DENND2A: variants seen among roughly 807,000 people sequenced by gnomAD.
DENND2A encodes the protein DENN domain containing 2A, also known as DENN domain-containing protein 2A.
In DENND2A, 53 loss-of-function variants were observed where a neutral mutation model predicts 105.3. The observed-to-expected ratio is 0.50, with a 90% confidence interval of 0.40 to 0.63. DENND2A has a LOEUF of 0.63. Among genes scored for constraint, DENND2A ranks in the 30% least tolerant of loss-of-function variants. The pLI is 0.00. For synonymous variants in DENND2A, 522 were observed against 508.4 expected (o/e 1.03, Z -0.36); for missense variants, 1,138 against 1,279.6 (o/e 0.89, Z 1.69).
In DENND2A at chr7:140,580,386, A is replaced by T. The variant is rs374430866; in HGVS notation, c.1245+5203T>A. Among the ~76,000 whole-genome samples the T allele has an allele frequency of 3.3e-5, 5 of 152,262 alleles. No homozygotes were observed. The East Asian group carries it at 9.6e-4, about 29-fold the overall frequency. ...TCACTCTGGAGAGCTGTGGCACAAA[A>T]ATAGCTCACTGCAGCCTTGGACTCC... On this transcript the variant is annotated intron_variant, in intron 5 of 19. Coordinates refer to ENST00000496613, the MANE Select transcript of DENND2A (RefSeq NM_015689.5).
chr7:140,619,628 T>G (rs527707599), intron 1 of DENND2A, among the ~76,000 whole-genome samples: 2 of 152,084 alleles, frequency 1.3e-5, no homozygotes, highest in Admixed American at 6.5e-5. Context: ...GCCTCCCAAC[T>G]AGCTGGGATT....
intron 11 of DENND2A, among the ~76,000 whole-genome samples, chr7:140,557,089 A>C (rs185971417): frequency 6.6e-6 from 1 of 152,134 alleles, no homozygotes; most frequent in East Asian, 1.9e-4. Flanking sequence ...AAGGTCTTTT[A>C]TTTGGCAGGA....
rs117680338 is a variant in DENND2A, at chr7:140,518,831, G to A, written c.2999-93C>T. Reference sequence around the variant, plus strand: ...TCCACCCAGAAGTGGTGCGGGTAACGGGGCCCCCACGCCACCCCAGGGAGC... The same window carrying A: ...TCCACCCAGAAGTGGTGCGGGTAACAGGGCCCCCACGCCACCCCAGGGAGC... On this transcript the variant is annotated intron_variant, in intron 19 of 19. Transcript: ENST00000496613. 6.7e-4 allele frequency: 890 copies of A among 1,322,730 alleles called. 5 individuals carry two copies. In the East Asian group the frequency reaches 0.018, roughly 26 times the overall value. 81.9% of individuals were successfully genotyped at this position (1,322,730 alleles called of 1,614,324 possible).
intron 1 of DENND2A, among the ~76,000 whole-genome samples, chr7:140,621,827 G>A (rs1328601004): frequency 1.3e-5 from 2 of 152,224 alleles, no homozygotes; most frequent in Non-Finnish European, 2.9e-5. Flanking sequence ...GCAGCCCTGA[G>A]TTGGGCTTGA....
At chr7:140,627,855 A>G (rs2130732597) in intron 1 of DENND2A, among the ~76,000 whole-genome samples, 1 of 151,636 alleles carries the variant, frequency 6.6e-6, no homozygotes, top group East Asian at 1.9e-4. Flanking sequence ...TTTTTAAGAC[A>G]GAGTTTCACT....
At chr7:140,567,036 G>C (rs1439080215) in intron 9 of DENND2A, 50 bp downstream of exon 9, 10 of 1,491,478 alleles carry the variant, frequency 6.7e-6, no homozygotes, top group African/African-American at 2.8e-5. Context: ...GTCCCAACAA[G>C]GTGATGGTTA....
chr7:140,571,350 G>A (rs59489402), intron 6 of DENND2A, among the ~76,000 whole-genome samples: 4,069 of 152,010 alleles, frequency 0.027, 183 homozygotes, highest in African/African-American at 0.093. Flanking sequence ...TAGTAGAGAC[G>A]GGGGTTTCAA....
At chr7:140,522,774 A>AT (rs1795909753) in intron 17 of DENND2A, among the ~76,000 whole-genome samples, 1 of 151,052 alleles carries the variant, frequency 6.6e-6, no homozygotes, top group South Asian at 2.1e-4. Flanking sequence ...TGGCCAGCTA[A>AT]TTTTTGTATT....
intron 14 of DENND2A, among the ~76,000 whole-genome samples, chr7:140,538,963 A>G (rs1270820741): frequency 6.6e-6 from 1 of 151,708 alleles, no homozygotes; most frequent in African/African-American, 2.4e-5. Flanking sequence ...AGCTGGGATT[A>G]TAGGCGTGTG....
intron 5 of DENND2A, among the ~76,000 whole-genome samples, chr7:140,583,430 G>GA (rs1164388608): frequency 6.7e-6 from 1 of 150,162 alleles, no homozygotes; most frequent in African/African-American, 2.5e-5. Context: ...CTTCTTAAAG[G>GA]ACGCATGATT....
At chr7:140,519,285 T>A (rs537071777) in intron 19 of DENND2A, among the ~76,000 whole-genome samples, 8 of 152,306 alleles carry the variant, frequency 5.3e-5, no homozygotes, top group African/African-American at 1.9e-4. Flanking sequence ...CCAGAGGAAT[T>A]TGGACACCAG....
At position 140,597,179 on chromosome 7, in the gene DENND2A, C is replaced by T. The variant is rs10261630; in HGVS notation, c.995+4224G>A. 6.8e-3 allele frequency among the ~76,000 whole-genome samples: 1,042 copies of T among 152,178 alleles called. 10 individuals are homozygous for T. Among genetic ancestry groups the T allele is most frequent in the African/African-American group, 0.023 (971 of 41,542 alleles). ...AAAAGAAAAATACGCTTTCTTAAAC[C>T]GAGGATCTGAATCCGCTGGTTTTGC... On this transcript the variant is annotated intron_variant, in intron 3 of 19. Coordinates refer to ENST00000496613, the MANE Select transcript of DENND2A (RefSeq NM_015689.5).
At chr7:140,552,552 T>G (rs1797181436) in intron 12 of DENND2A, among the ~76,000 whole-genome samples, 1 of 151,876 alleles carries the variant, frequency 6.6e-6, no homozygotes, top group South Asian at 2.1e-4. Context: ...CACACTACCA[T>G]GCCTGGCTAA....
chr7:140,579,474 C>A (rs1046111139), intron 5 of DENND2A, among the ~76,000 whole-genome samples: 1 of 151,204 alleles, frequency 6.6e-6, no homozygotes, highest in Non-Finnish European at 1.5e-5. Flanking sequence ...CTCACTGCAA[C>A]CTCCGCCTCC....
intron 12 of DENND2A, among the ~76,000 whole-genome samples, chr7:140,547,813 C>T (rs1171444720): frequency 1.3e-5 from 2 of 152,148 alleles, no homozygotes; most frequent in East Asian, 3.8e-4. Context: ...CATCAAAGTG[C>T]TGATACATGC....
rs560959253 is a variant in DENND2A at position 140,568,635 on chromosome 7, C to T, written c.1591+128G>A. On this transcript the variant is annotated intron_variant, in intron 8 of 19. Transcript: ENST00000496613. ...AGCACCCTGTGGCCCCACTGTCTCC[C>T]GAGATGTCCACGCCTTGCCAAGCAA... 1.3e-3 allele frequency: 1,216 copies of T among 915,948 alleles called. 3 individuals are homozygous for T. The highest frequency in any genetic ancestry group is 1.7e-3 in the Non-Finnish European group (971 of 570,086). 56.7% of individuals were successfully genotyped at this position (915,948 alleles called of 1,614,324 possible).
chr7:140,625,907 T>C (rs1297929205), intron 1 of DENND2A, among the ~76,000 whole-genome samples: 1 of 152,238 alleles, frequency 6.6e-6, no homozygotes, highest in East Asian at 1.9e-4. Flanking sequence ...CACCTCAAAT[T>C]AAGCTGCAAT....
rs368995985 is a variant in DENND2A, at chr7:140,567,193, C to T, written c.1672G>A (p.Glu558Lys). Reference sequence around the variant, plus strand: ...TCGAAGAGCTGCCTCTCCTGGTACTCGATGAGTTCCCGGGCAAGTGATGGG... The same window carrying T: ...TCGAAGAGCTGCCTCTCCTGGTACTTGATGAGTTCCCGGGCAAGTGATGGG... The part of the protein sequence containing the change: ...RYPSLARELI[E>K]YQERQLFEYF... The change falls in exon 9 of 20, where the codon GAG (glutamate) becomes AAG (lysine). Residue 558 changes from glutamate (E) to lysine (K), a missense_variant. Physicochemically the swap from Glu to Lys is moderately conservative, Grantham distance 56. Coordinates refer to ENST00000496613, the MANE Select transcript of DENND2A (RefSeq NM_015689.5). 54 of 1,613,712 alleles carry T rather than the reference C, an allele frequency of 3.3e-5. No homozygotes were observed. The highest frequency in any genetic ancestry group is 4.3e-5 in the Non-Finnish European group (51 of 1,179,962).
intron 14 of DENND2A, among the ~76,000 whole-genome samples, chr7:140,529,196 C>T (rs973558486): frequency 2.0e-5 from 3 of 151,948 alleles, no homozygotes; most frequent in Admixed American, 6.6e-5. Flanking sequence ...CGGTGGCTGA[C>T]GCCTATAATC....
Sources: allele counts gnomAD v4.1 joint callset (sites outside exome capture counted in the v4.1 genomes callset), GRCh38; gene constraint gnomAD v4.1.1; transcripts MANE v1.5; gene names NCBI Gene and HGNC (gene_info 2026-07-23, HGNC 2026-07-21).